Variants in SH3GL2 observed in about 807,000 individuals in gnomAD.
SH3GL2 encodes SH3 domain containing GRB2 like 2, endophilin A1, also known as endophilin-A1.
A neutral mutation model predicts 46.0 loss-of-function variants in SH3GL2; 24 were observed. The ratio of observed to expected loss-of-function variants is 0.52; its 90% CI spans 0.38 to 0.73. SH3GL2 has a LOEUF of 0.73. SH3GL2 is among the 30% of genes least tolerant of loss of function. The pLI, the probability that SH3GL2 is intolerant of heterozygous loss-of-function variation, is 0.00. For synonymous variants in SH3GL2, 196 were observed against 147.1 expected, an observed-to-expected ratio of 1.33 and a Z score of -2.40; for missense variants, 413 against 424.2, an observed-to-expected ratio of 0.97 and a Z score of 0.23.
chr9:17,589,240 A>C (rs1233113916), intron 1 of SH3GL2: 2 of 152,258 alleles, frequency 1.3e-5, no homozygotes, highest in Non-Finnish European at 2.9e-5. Flanking sequence ...ATCACAGCTC[A>C]CTACAGCCTC....
At chr9:17,675,939 C>T (rs193282839) in intron 1 of SH3GL2, among the ~76,000 whole-genome samples, 35 of 151,724 alleles carry the variant, frequency 2.3e-4, no homozygotes, top group African/African-American at 5.6e-4. Flanking sequence ...AGCGAGACTC[C>T]GTCTCAAAAA....
At chr9:17,789,695 T>C in intron 6 of SH3GL2, 145 bp downstream of exon 6, 1 of 1,411,484 alleles carries the variant, frequency 7.1e-7, no homozygotes, top group Admixed American at 2.7e-5. Context: ...TTTAAATAAT[T>C]GTCAGTCATA....
At chr9:17,647,443 C>T (rs919783991) in intron 1 of SH3GL2, among the ~76,000 whole-genome samples, 8 of 151,924 alleles carry the variant, frequency 5.3e-5, no homozygotes, top group African/African-American at 1.7e-4. Flanking sequence ...CTCTCTCTAC[C>T]GTTTGAGGAA....
chr9:17,637,139 G>T (rs1819560321), intron 1 of SH3GL2, among the ~76,000 whole-genome samples: 1 of 152,158 alleles, frequency 6.6e-6, no homozygotes, highest in African/African-American at 2.4e-5. Context: ...GTGGTATCTT[G>T]GTTTGATAGC....
intron 1 of SH3GL2, among the ~76,000 whole-genome samples, chr9:17,657,424 G>C (rs1820112497): frequency 6.6e-6 from 1 of 152,148 alleles, no homozygotes; most frequent in Non-Finnish European, 1.5e-5. Flanking sequence ...GACCTCTCTG[G>C]TCTTGGCAGT....
chr9:17,610,579 C>T (rs1818841652), intron 1 of SH3GL2, among the ~76,000 whole-genome samples: 1 of 152,168 alleles, frequency 6.6e-6, no homozygotes, highest in African/African-American at 2.4e-5. Context: ...GAGAAACCCT[C>T]AACTGTTAAA....
intron 1 of SH3GL2, among the ~76,000 whole-genome samples, chr9:17,732,795 G>A (rs1008460093): frequency 2.6e-5 from 4 of 152,028 alleles, no homozygotes; most frequent in African/African-American, 7.2e-5. Context: ...ACAGCTTTTA[G>A]CAATATAAAC....
At chr9:17,683,424 G>A (rs1039392316) in intron 1 of SH3GL2, among the ~76,000 whole-genome samples, 1 of 152,018 alleles carries the variant, frequency 6.6e-6, no homozygotes, top group Non-Finnish European at 1.5e-5. Context: ...GGGGAAGGGC[G>A]GCAAACTCTA....
At chr9:17,606,768 C>T (rs1401887610) in intron 1 of SH3GL2, among the ~76,000 whole-genome samples, 1 of 152,106 alleles carries the variant, frequency 6.6e-6, no homozygotes, top group African/African-American at 2.4e-5. Flanking sequence ...TTAGTTGTTC[C>T]ATATCCTGCA....
At chr9:17,613,071 A>G (rs892012642) in intron 1 of SH3GL2, among the ~76,000 whole-genome samples, 6 of 152,156 alleles carry the variant, frequency 3.9e-5, no homozygotes, top group African/African-American at 1.4e-4. Context: ...GAATACAGAG[A>G]TTCACCTTTA....
chr9:17,689,181 A>G (rs1003149496), intron 1 of SH3GL2, among the ~76,000 whole-genome samples: 6 of 152,138 alleles, frequency 3.9e-5, no homozygotes, highest in Non-Finnish European at 7.4e-5. Flanking sequence ...AAGAAACACC[A>G]GAAAACCCCC....
chr9:17,716,449 T>C (rs1821761961), intron 1 of SH3GL2, among the ~76,000 whole-genome samples: 1 of 152,182 alleles, frequency 6.6e-6, no homozygotes, highest in African/African-American at 2.4e-5. Context: ...TGCTTTGCGC[T>C]ACTGAGATGA....
chr9:17,623,368 T>G (rs1487375085), intron 1 of SH3GL2, among the ~76,000 whole-genome samples: 2 of 152,104 alleles, frequency 1.3e-5, no homozygotes, highest in Admixed American at 1.3e-4. Flanking sequence ...AGGTGTTGTA[T>G]ACGTATGTAG....
chr9:17,605,618 T>C (rs1417457752), intron 1 of SH3GL2, among the ~76,000 whole-genome samples: 1 of 152,092 alleles, frequency 6.6e-6, no homozygotes, highest in Non-Finnish European at 1.5e-5. Flanking sequence ...AGCTCCTCAG[T>C]GTGGGGGTCT....
intron 1 of SH3GL2, among the ~76,000 whole-genome samples, chr9:17,600,062 C>T (rs750553871): frequency 6.6e-6 from 1 of 151,910 alleles, no homozygotes; most frequent in Admixed American, 6.6e-5. Context: ...GCTCTTCCTG[C>T]GTTTGGCTTT....
At chr9:17,700,325 C>G (rs746840247) in intron 1 of SH3GL2, among the ~76,000 whole-genome samples, 9 of 152,298 alleles carry the variant, frequency 5.9e-5, no homozygotes, top group Admixed American at 1.3e-4. Flanking sequence ...AACCCTTTCA[C>G]TGTGTTTTGT....
chr9:17,759,391 G>T (rs532979800), intron 2 of SH3GL2, among the ~76,000 whole-genome samples: 2 of 152,210 alleles, frequency 1.3e-5, no homozygotes, highest in Non-Finnish European at 2.9e-5. Context: ...CCATCTTAGG[G>T]AGGGAACAAA....
chr9:17,779,071 A>G (rs908730967), intron 3 of SH3GL2, among the ~76,000 whole-genome samples: 6 of 152,004 alleles, frequency 3.9e-5, no homozygotes, highest in African/African-American at 1.2e-4. Flanking sequence ...CAGCTTGCCA[A>G]CTCAAGGAGG....
chr9:17,682,477 C>G (rs934269169), intron 1 of SH3GL2, among the ~76,000 whole-genome samples: 1 of 152,020 alleles, frequency 6.6e-6, no homozygotes, highest in East Asian at 1.9e-4. Flanking sequence ...TCAAACACTA[C>G]GTGTTCTGGT....
Sources: gnomAD v4.1 joint callset for allele counts (sites outside exome capture counted in the v4.1 genomes callset) on GRCh38, gnomAD v4.1.1 for gene constraint, MANE v1.5 for transcripts, NCBI Gene and HGNC (gene_info 2026-07-23, HGNC 2026-07-21) for gene names.